Variants in WDR11 observed in about 807,000 individuals in gnomAD.
WDR11 encodes WD repeat domain 11.
WDR11 carries 83 observed loss-of-function variants against 151.2 expected under a neutral mutation model. The observed-to-expected ratio is 0.55, with a 90% confidence interval of 0.46 to 0.66. The LOEUF is 0.66. WDR11 is among the 30% of genes least tolerant of loss of function. The pLI, the probability that WDR11 is intolerant of heterozygous loss-of-function variation, is 0.00. For missense variants in WDR11, 1,301 were observed against 1,480.9 expected (o/e 0.88, Z 1.99); for synonymous variants, 484 against 533.1 (o/e 0.91, Z 1.27).
chr10:120,875,989 T>C lies in WDR11; in HGVS notation c.1556+2066T>C, dbSNP rs567117572. ...TTAACCTTTTTTTTCTTTTTTTTTT[T>C]TTTTTTGAGTTGGAGTTTCGCTCTT... is the stretch of plus-strand genomic sequence containing the variant. On this transcript the variant is annotated intron_variant, in intron 11 of 28. Coordinates refer to ENST00000263461, the MANE Select transcript of WDR11 (RefSeq NM_018117.12). Among the ~76,000 whole-genome samples, 65 of 148,718 alleles carry C rather than the reference T, an allele frequency of 4.4e-4. 2 individuals are homozygous for C. Among genetic ancestry groups the C allele is most frequent in the African/African-American group, 1.5e-3 (62 of 40,500 alleles).
intron 13 of WDR11, among the ~76,000 whole-genome samples, chr10:120,883,257 C>T (rs951069545): frequency 6.6e-6 from 1 of 152,120 alleles, no homozygotes; most frequent in East Asian, 1.9e-4. Context: ...TTTAGTTCCT[C>T]ATAATGCTTA....
At position 120,904,695 on chromosome 10, in the gene WDR11, A is replaced by G; in HGVS notation, c.3077A>G (p.His1026Arg). The change falls in exon 25 of 29, where the codon CAT (histidine) becomes CGT (arginine). Residue 1026 changes from histidine to arginine, a missense_variant. Coordinates refer to ENST00000263461, the MANE Select transcript of WDR11 (RefSeq NM_018117.12). ...LLLETSADNQ[H>R]YYCDSLKACL... ...TTGGAAACAAGTGCAGATAACCAGC[A>G]TTATTACTGTGATTCACTGAAAGCC... 1 of 1,614,240 alleles carries G rather than the reference A, an allele frequency of 6.2e-7. No homozygotes were observed. The highest frequency in any genetic ancestry group is 8.5e-7 in the Non-Finnish European group (1 of 1,180,032).
Position 120,885,868 on chromosome 10 carries a change from C to T in WDR11, c.1903C>T (p.Arg635Ter). The T allele has an allele frequency of 1.2e-6, 2 of 1,613,864 alleles. No homozygotes were observed. Among genetic ancestry groups the T allele is most frequent in the Non-Finnish European group, 1.7e-6 (2 of 1,179,828 alleles). The part of the protein sequence containing the change: ...KSLRKKQLAT[R>*]EAMARQTVVS... ...CCTGAGAAAGAAGCAACTTGCAACT[C>T]GAGAGGCCATGGCCCGCCAGACCGT... is the stretch of plus-strand genomic sequence containing the variant. The change falls in exon 15 of 29, where the codon CGA becomes TGA. Residue 635 changes from arginine (R) to a stop codon, truncating the protein, a stop_gained. Coordinates refer to ENST00000263461, the MANE Select transcript of WDR11 (RefSeq NM_018117.12). LOFTEE classifies it high-confidence loss of function.
chr10:120,895,586 A>G (rs867223729), intron 19 of WDR11, among the ~76,000 whole-genome samples: 14 of 152,308 alleles, frequency 9.2e-5, no homozygotes, highest in Middle Eastern at 3.4e-3. Context: ...AGCCAAATAC[A>G]AATGATTACC....
intron 28 of WDR11, chr10:120,907,313 T>C: frequency 5.2e-6 from 1 of 191,830 alleles, no homozygotes; most frequent in Non-Finnish European, 1.1e-5. Context: ...TGGGACAAAA[T>C]ACAGCACTTA....
chr10:120,904,534 A>G (rs886475897), intron 24 of WDR11, 112 bp from the exon 25 acceptor site: 17 of 1,321,196 alleles, frequency 1.3e-5, no homozygotes, highest in African/African-American at 4.4e-5. Flanking sequence ...AAAATATTCA[A>G]TTGCATTTTT....
intron 19 of WDR11, among the ~76,000 whole-genome samples, chr10:120,891,965 A>C (rs1369808105): frequency 6.6e-6 from 1 of 152,184 alleles, no homozygotes; most frequent in Non-Finnish European, 1.5e-5. Flanking sequence ...AAGCACCAGG[A>C]TGGCCTCCTA....
At chr10:120,898,333 G>A (rs1210151123) in intron 19 of WDR11, among the ~76,000 whole-genome samples, 1 of 152,110 alleles carries the variant, frequency 6.6e-6, no homozygotes, top group Non-Finnish European at 1.5e-5. Flanking sequence ...ATTTTCAGTT[G>A]AAAAAGTAGG....
intron 2 of WDR11, among the ~76,000 whole-genome samples, chr10:120,854,918 A>G (rs1162789523): frequency 6.6e-6 from 1 of 152,194 alleles, no homozygotes; most frequent in Non-Finnish European, 1.5e-5. Flanking sequence ...GAAATGTTCC[A>G]AGACCCCAGT....
intron 27 of WDR11, chr10:120,906,315 A>C: frequency 7.7e-7 from 1 of 1,292,392 alleles, no homozygotes. Flanking sequence ...CTTTGACTAG[A>C]GCAACTGAGA....
At chr10:120,878,304 C>A in intron 11 of WDR11, 49 bp from the exon 12 acceptor site, 1 of 1,414,458 alleles carries the variant, frequency 7.1e-7, no homozygotes, top group Non-Finnish European at 9.9e-7. Flanking sequence ...ATGAACCTTT[C>A]AAATAAAAAA....
Position 120,908,884 on chromosome 10 carries a change from A to G in WDR11, c.*171A>G, listed in dbSNP as rs1848179560. 11 of 707,900 alleles carry G rather than the reference A, an allele frequency of 1.6e-5. 1 individual carries two copies. The highest frequency in any genetic ancestry group is 2.5e-5 in the Non-Finnish European group (10 of 408,046). The allele number at this position is 707,900 out of a possible 1,614,324, so 43.9% of individuals were successfully genotyped here. ...AAAGCACATAAGCATCTATGTTGAG[A>G]GTAAGTTTGTATCCTGCGTTGGTCT... On this transcript the variant is annotated 3_prime_UTR_variant, in exon 29 of 29. Transcript: ENST00000263461.
chr10:120,905,335 C>T lies in WDR11; in HGVS notation c.3210C>T (p.Leu1070=). The T allele has an allele frequency of 6.2e-7, 1 of 1,614,122 alleles. No homozygotes were observed. The highest frequency in any genetic ancestry group is 8.5e-7 in the Non-Finnish European group (1 of 1,180,042). ...NGKLAEGVQL[L]CLIDKAADAC... is the part of the protein sequence containing the mutation. ...GTCTTTCAGAGGGCGTTCAGTTGCT[C>T]TGCCTGATAGATAAGGCTGCAGACG... The change falls in exon 26 of 29, where the codon CTC becomes CTT. Residue 1070 remains leucine (L), a synonymous_variant. Coordinates refer to ENST00000263461, the MANE Select transcript of WDR11 (RefSeq NM_018117.12).
intron 22 of WDR11, 33 bp downstream of exon 22, chr10:120,902,355 C>T: frequency 1.3e-6 from 2 of 1,586,728 alleles, no homozygotes; most frequent in Non-Finnish European, 1.7e-6. Flanking sequence ...GTATAAGAGA[C>T]AGGATTTCAA....
At chr10:120,893,212 T>C (rs1447226271) in intron 19 of WDR11, among the ~76,000 whole-genome samples, 1 of 143,314 alleles carries the variant, frequency 7.0e-6, no homozygotes, top group African/African-American at 2.6e-5. Context: ...CCCCTTCCTG[T>C]GTCCATGTGT....
chr10:120,856,422 A>G (rs1845946237), intron 2 of WDR11, among the ~76,000 whole-genome samples: 1 of 151,972 alleles, frequency 6.6e-6, no homozygotes, highest in African/African-American at 2.4e-5. Context: ...TAAAAATACA[A>G]AAATTAGCCA....
At position 120,851,450 on chromosome 10, in the gene WDR11, G is replaced by A. The variant is rs1221361899; in HGVS notation, c.30G>A (p.Val10=). The part of the protein sequence containing the change: MLPYTVNFK[V]SARTLTGALN... ...TGCCCTACACAGTGAACTTCAAGGT[G>A]TCGGCGCGCACCCTCACGGGGGCCC... The change falls in exon 1 of 29, where the codon GTG becomes GTA. Residue 10 remains valine (V), a synonymous_variant. Transcript: ENST00000263461. 5.0e-6 allele frequency: 8 copies of A among 1,612,252 alleles called. No homozygotes were observed. The highest frequency in any genetic ancestry group is 1.7e-5 in the Admixed American group (1 of 59,918).
chr10:120,889,234 A>C, intron 17 of WDR11, 50 bp downstream of exon 17: 1 of 998,888 alleles, frequency 1.0e-6, no homozygotes, highest in Non-Finnish European at 1.5e-6. Flanking sequence ...AAAGAAATGA[A>C]ATCTTTTTGT....
intron 27 of WDR11, 114 bp from the exon 28 acceptor site, chr10:120,906,662 T>C: frequency 6.3e-7 from 1 of 1,589,708 alleles, no homozygotes; most frequent in Non-Finnish European, 8.6e-7. Flanking sequence ...TGTATCTTAA[T>C]GCAGTATGCA....
Sources: gnomAD v4.1 joint callset for allele counts (sites outside exome capture counted in the v4.1 genomes callset) on GRCh38, gnomAD v4.1.1 for gene constraint, MANE v1.5 for transcripts, NCBI Gene and HGNC (gene_info 2026-07-23, HGNC 2026-07-21) for gene names.